MCF2L2: variants seen among roughly 807,000 people sequenced by gnomAD.
MCF2L2 encodes probable guanine nucleotide exchange factor MCF2L2.
MCF2L2 carries 102 observed loss-of-function variants against 150.2 expected under a neutral mutation model. That is an observed-to-expected ratio of 0.68 (90% CI 0.58 to 0.80). MCF2L2 has a LOEUF of 0.80. Among genes scored for constraint, MCF2L2 ranks in the 30% least tolerant of loss-of-function variants. MCF2L2 has a pLI of 0.00. For synonymous variants in MCF2L2, 465 were observed against 491.3 expected (o/e 0.95, Z 0.71); for missense variants, 1,256 against 1,372.8 (o/e 0.91, Z 1.34).
chr3:183,395,365 G>T (rs1225209782), intron 1 of MCF2L2, among the ~76,000 whole-genome samples: 1 of 152,140 alleles, frequency 6.6e-6, no homozygotes, highest in Non-Finnish European at 1.5e-5. Flanking sequence ...AAAAAACCAA[G>T]CGTGTGATAT....
At chr3:183,272,256 C>T in intron 15 of MCF2L2, 1 of 1,000,218 alleles carries the variant, frequency 1.0e-6, no homozygotes, top group Non-Finnish European at 1.2e-6. Flanking sequence ...CACACTACCT[C>T]CCTTCACTAC....
Position 183,318,221 on chromosome 3 carries a change from G to A in MCF2L2, c.604-4C>T. ...TCAAGGCAAAGTTTTCGATGGCCTG[G>A]AAGGTCAGACAATTGTAACAATATG... On this transcript the variant is annotated splice_region_variant and splice_polypyrimidine_tract_variant and intron_variant, in intron 6 of 29. Transcript: ENST00000328913. The A allele has an allele frequency of 1.2e-6, 2 of 1,614,198 alleles. No homozygotes were observed. The highest frequency in any genetic ancestry group is 2.2e-5 in the East Asian group (1 of 44,888).
chr3:183,323,387 T>A, intron 5 of MCF2L2, 36 bp from the exon 6 acceptor site: 1 of 1,080,842 alleles, frequency 9.3e-7, no homozygotes, highest in Non-Finnish European at 1.4e-6. Flanking sequence ...ATACTCCTCA[T>A]TGATCATTAA....
At chr3:183,183,869 A>G (rs1159671822) in intron 27 of MCF2L2, among the ~76,000 whole-genome samples, 2 of 152,162 alleles carry the variant, frequency 1.3e-5, no homozygotes, top group Non-Finnish European at 2.9e-5. Flanking sequence ...ACACTCAGGG[A>G]AAGAAACATT....
At chr3:183,379,512 C>T in intron 2 of MCF2L2, 101 bp from the exon 3 acceptor site, 2 of 738,902 alleles carry the variant, frequency 2.7e-6, no homozygotes, top group Non-Finnish European at 2.3e-6. Context: ...CTTTTCCTAC[C>T]TATATTATCT....
At chr3:183,361,005 A>AAAGG (rs1484041748) in intron 3 of MCF2L2, among the ~76,000 whole-genome samples, 28 of 134,464 alleles carry the variant, frequency 2.1e-4, no homozygotes, top group Non-Finnish European at 2.5e-4. Context: ...AAAGAAAAGA[A>AAAGG]AAGAAAAGAA....
At chr3:183,286,365 A>C (rs984622389) in intron 14 of MCF2L2, among the ~76,000 whole-genome samples, 1 of 152,158 alleles carries the variant, frequency 6.6e-6, no homozygotes, top group Non-Finnish European at 1.5e-5. Flanking sequence ...TTCTAGACCT[A>C]AGGCCAAAAG....
intron 15 of MCF2L2, among the ~76,000 whole-genome samples, chr3:183,256,980 T>C (rs1167285648): frequency 6.6e-6 from 1 of 152,194 alleles, no homozygotes; most frequent in Non-Finnish European, 1.5e-5. Context: ...TCAGTATTTT[T>C]AAAAACTCCT....
In MCF2L2 at chr3:183,276,890, C is replaced by T; in HGVS notation, c.1844G>A (p.Gly615Glu). The change falls in exon 15 of 30, where the codon GGA (glycine) becomes GAA (glutamate). Residue 615 changes from glycine to glutamate, a missense_variant. Coordinates refer to ENST00000328913, the MANE Select transcript of MCF2L2 (RefSeq NM_015078.4). ...NPELEQQARL[G>E]DLSPRRRIIR... ...GTCTTACCTGCGGGGGGAAAGGTCT[C>T]CGAGCCTGGCCTGCTGCTCCAGCTC... 1 of 1,610,246 alleles carries T rather than the reference C, an allele frequency of 6.2e-7. No individual in the cohort carries two copies. Among genetic ancestry groups the T allele is most frequent in the Non-Finnish European group, 8.5e-7 (1 of 1,178,074 alleles).
chr3:183,370,994 C>T (rs532413878), intron 3 of MCF2L2, among the ~76,000 whole-genome samples: 2 of 152,314 alleles, frequency 1.3e-5, no homozygotes, highest in East Asian at 3.9e-4. Flanking sequence ...TGACTGTACA[C>T]TCTGGATGTA....
intron 15 of MCF2L2, among the ~76,000 whole-genome samples, chr3:183,239,474 T>G (rs975100791): frequency 6.8e-6 from 1 of 146,294 alleles, no homozygotes; most frequent in East Asian, 2.0e-4. Flanking sequence ...AAAAAAAAAA[T>G]GCAATCCTTT....
intron 1 of MCF2L2, among the ~76,000 whole-genome samples, chr3:183,425,626 G>C (rs188049046): frequency 3.3e-5 from 5 of 152,274 alleles, no homozygotes; most frequent in Non-Finnish European, 5.9e-5. Context: ...CCCAGTAGGG[G>C]ATATGAAGAG....
chr3:183,202,559 A>T (rs1722326546), intron 25 of MCF2L2, among the ~76,000 whole-genome samples: 1 of 152,218 alleles, frequency 6.6e-6, no homozygotes, highest in South Asian at 2.1e-4. Context: ...GCTGAGTGTG[A>T]AGGTGTGCCC....
chr3:183,423,222 A>G (rs1715976096), intron 1 of MCF2L2, among the ~76,000 whole-genome samples: 1 of 152,148 alleles, frequency 6.6e-6, no homozygotes, highest in Admixed American at 6.5e-5. Flanking sequence ...TTTCAGTACC[A>G]ACAGCTGAGG....
At chr3:183,313,200 C>T (rs1250147054) in intron 7 of MCF2L2, among the ~76,000 whole-genome samples, 1 of 151,622 alleles carries the variant, frequency 6.6e-6, no homozygotes, top group Non-Finnish European at 1.5e-5. Flanking sequence ...GCTTTTCCCA[C>T]TCATTTTCTT....
At chr3:183,361,251 C>G (rs989264433) in intron 3 of MCF2L2, among the ~76,000 whole-genome samples, 1 of 152,088 alleles carries the variant, frequency 6.6e-6, no homozygotes, top group Middle Eastern at 3.2e-3. Context: ...AAACTGAAAG[C>G]CTGCTGTTGT....
intron 17 of MCF2L2, 68 bp from the exon 18 acceptor site, chr3:183,228,434 T>G (rs1181945737): frequency 1.4e-5 from 15 of 1,079,126 alleles, no homozygotes; most frequent in African/African-American, 3.1e-5. Flanking sequence ...ATTTTTTAAG[T>G]ACAATCACAT....
At chr3:183,341,506 C>T in intron 4 of MCF2L2, 34 bp downstream of exon 4, 1 of 1,495,808 alleles carries the variant, frequency 6.7e-7, no homozygotes, top group Non-Finnish European at 9.3e-7. Context: ...ATTTAAATGA[C>T]TTTTATAATA....
intron 19 of MCF2L2, among the ~76,000 whole-genome samples, chr3:183,223,641 G>A (rs1244908463): frequency 1.3e-5 from 2 of 152,162 alleles, no homozygotes; most frequent in African/African-American, 4.8e-5. Context: ...AGGACGGCTC[G>A]GCTAATATTT....
Sources: allele counts gnomAD v4.1 joint callset (sites outside exome capture counted in the v4.1 genomes callset), GRCh38; gene constraint gnomAD v4.1.1; transcripts MANE v1.5; gene names NCBI Gene and HGNC (gene_info 2026-07-23, HGNC 2026-07-21).